Variants in ASPH observed in about 807,000 individuals in gnomAD.
ASPH encodes aspartyl/asparaginyl beta-hydroxylase.
Under a neutral mutation model 118.4 loss-of-function variants are expected in ASPH, and 100 were observed. The observed-to-expected ratio is 0.84, with a 90% CI of 0.72 to 1.00. ASPH has a LOEUF of 1.00. ASPH is among the 50% of genes least tolerant of loss of function. ASPH has a pLI of 0.00. For missense variants in ASPH, 920 were observed against 919.5 expected (o/e 1.00, Z -0.01); for synonymous variants, 315 against 325.6 (o/e 0.97, Z 0.35).
chr8:61,667,772 T>C (rs1371585327), intron 3 of ASPH, among the ~76,000 whole-genome samples: 1 of 152,354 alleles, frequency 6.6e-6, no homozygotes, highest in East Asian at 1.9e-4. Context: ...ACTACACATT[T>C]GAATCACACT....
intron 5 of ASPH, among the ~76,000 whole-genome samples, chr8:61,650,626 A>G (rs1810483858): frequency 6.6e-6 from 1 of 152,148 alleles, no homozygotes; most frequent in Non-Finnish European, 1.5e-5. Flanking sequence ...CTGTCTGCTT[A>G]GTGCAACCTA....
At chr8:61,547,947 T>G (rs1045628681) in intron 21 of ASPH, 124 bp downstream of exon 21, 1 of 1,318,770 alleles carries the variant, frequency 7.6e-7, no homozygotes, top group African/African-American at 1.5e-5. Context: ...CATTATATTT[T>G]GCAAATGTCA....
At chr8:61,712,456 T>C (rs1194220440) in intron 1 of ASPH, among the ~76,000 whole-genome samples, 1 of 152,216 alleles carries the variant, frequency 6.6e-6, no homozygotes, top group East Asian at 1.9e-4. Context: ...GAATACTCAT[T>C]ACGTCACATG....
intron 13 of ASPH, among the ~76,000 whole-genome samples, chr8:61,622,291 T>C (rs151297593): frequency 5.5e-4 from 84 of 152,264 alleles, no homozygotes; most frequent in Admixed American, 1.4e-3. Context: ...TGAGCCGAGA[T>C]TGCACCACTG....
At chr8:61,544,888 TAGA>T (rs1586833339) in intron 21 of ASPH, among the ~76,000 whole-genome samples, 2 of 152,178 alleles carry the variant, frequency 1.3e-5, no homozygotes, top group South Asian at 2.1e-4. Flanking sequence ...CTGATATTCC[TAGA>T]AGAAGTGACA....
At chr8:61,650,979 T>C in intron 5 of ASPH, 71 bp downstream of exon 5, 2 of 1,439,968 alleles carry the variant, frequency 1.4e-6, no homozygotes, top group South Asian at 1.3e-5. Context: ...TTAAAACAAA[T>C]GTCCAAGTCA....
intron 22 of ASPH, 69 bp from the exon 23 acceptor site, chr8:61,518,192 G>A (rs1811589253): frequency 1.5e-6 from 2 of 1,378,044 alleles, no homozygotes; most frequent in Admixed American, 1.8e-5. Flanking sequence ...TTTAGATGAG[G>A]TGAGAGCTAT....
At chr8:61,628,911 A>AAT (rs139846428) in intron 13 of ASPH, among the ~76,000 whole-genome samples, 57 of 152,282 alleles carry the variant, frequency 3.7e-4, no homozygotes, top group Non-Finnish European at 7.4e-4. Flanking sequence ...CAATAACAAC[A>AAT]ATATATATAT....
At chr8:61,697,548 C>T (rs1834216555) in intron 1 of ASPH, among the ~76,000 whole-genome samples, 1 of 152,186 alleles carries the variant, frequency 6.6e-6, no homozygotes, top group Non-Finnish European at 1.5e-5. Context: ...AGTAGGTTGT[C>T]ACCTATACTT....
chr8:61,540,204 T>C (rs1240646215), intron 21 of ASPH, among the ~76,000 whole-genome samples: 1 of 152,210 alleles, frequency 6.6e-6, no homozygotes, highest in East Asian at 1.9e-4. Flanking sequence ...TGATATTGTT[T>C]GGATGTATGT....
rs553179112 is a variant in ASPH, at chr8:61,642,776, C to A, written c.790+112G>T. The A allele has an allele frequency of 5.7e-4, 509 of 895,548 alleles. 6 individuals carry two copies. The South Asian group carries it at 9.5e-3, about 17-fold the overall frequency. 55.5% of individuals were successfully genotyped at this position (895,548 alleles called of 1,614,324 possible). A position where few individuals can be genotyped will look rare whatever the true frequency, so the allele number is the denominator to read the frequency against. On this transcript the variant is annotated intron_variant, in intron 10 of 24. Coordinates refer to ENST00000379454, the MANE Select transcript of ASPH (RefSeq NM_004318.4). ...AAGAGAATCGCTTGTACCCAGGAGG[C>A]GGAGGTTGTAGTGGGCCAAGATTGT...
At chr8:61,571,061 C>T (rs1833347429) in intron 16 of ASPH, among the ~76,000 whole-genome samples, 1 of 152,110 alleles carries the variant, frequency 6.6e-6, no homozygotes. Flanking sequence ...ATTGTTTAAT[C>T]TGCTAACAAA....
intron 15 of ASPH, among the ~76,000 whole-genome samples, chr8:61,582,250 C>T (rs906434400): frequency 2.6e-5 from 4 of 152,214 alleles, no homozygotes; most frequent in South Asian, 2.1e-4. Flanking sequence ...AGGAGCAACA[C>T]TGCAGAATAC....
At chr8:61,663,545 T>C in intron 3 of ASPH, 1 of 985,410 alleles carries the variant, frequency 1.0e-6, no homozygotes. Flanking sequence ...ATTCCAGGTC[T>C]AGACTTGGGA....
intron 6 of ASPH, 44 bp downstream of exon 6, chr8:61,646,706 A>T (rs149922715): frequency 1.9e-6 from 3 of 1,569,888 alleles, no homozygotes; most frequent in Middle Eastern, 1.7e-4. Context: ...ATTAGAAGTC[A>T]TTGATTATAT....
chr8:61,504,132 A>C (rs953942650), intron 24 of ASPH, among the ~76,000 whole-genome samples: 2 of 152,214 alleles, frequency 1.3e-5, no homozygotes, highest in African/African-American at 4.8e-5. Flanking sequence ...TAGAGCTTCC[A>C]ACTTTACCTC....
intron 3 of ASPH, among the ~76,000 whole-genome samples, chr8:61,679,648 T>A (rs1038062969): frequency 4.6e-5 from 7 of 151,952 alleles, no homozygotes; most frequent in African/African-American, 1.7e-4. Context: ...ACATTTTATT[T>A]TATCTTTAAA....
At chr8:61,531,744 A>G (rs1166475207) in intron 21 of ASPH, among the ~76,000 whole-genome samples, 1 of 152,014 alleles carries the variant, frequency 6.6e-6, no homozygotes, top group Non-Finnish European at 1.5e-5. Context: ...CTCTGCTTCT[A>G]TGAGTTTGAC....
chr8:61,518,221 G>C, intron 22 of ASPH, 98 bp from the exon 23 acceptor site: 1 of 966,678 alleles, frequency 1.0e-6, no homozygotes, highest in Non-Finnish European at 1.5e-6. Flanking sequence ...CTCACTGCAG[G>C]AATGAGAAGA....
Sources: allele counts gnomAD v4.1 joint callset (sites outside exome capture counted in the v4.1 genomes callset), GRCh38; gene constraint gnomAD v4.1.1; transcripts MANE v1.5; gene names NCBI Gene and HGNC (gene_info 2026-07-23, HGNC 2026-07-21).